The following CNIH3 variants were observed in gnomAD, a reference collection of about 807,000 sequenced individuals.
The protein encoded by CNIH3 is protein cornichon homolog 3.
In CNIH3, 14 loss-of-function variants were observed where a neutral mutation model predicts 24.1. The ratio of observed to expected loss-of-function variants is 0.58; its 90% confidence interval spans 0.38 to 0.91. CNIH3 has a LOEUF of 0.91. Ranked by LOEUF, CNIH3 falls within the 40% of genes least tolerant of loss-of-function variation. The pLI is 0.00. For synonymous variants in CNIH3, 68 were observed against 73.8 expected, an observed-to-expected ratio of 0.92 and a Z score of 0.40; for missense variants, 178 against 196.8, an observed-to-expected ratio of 0.90 and a Z score of 0.57.
chr1:224,658,342 T>A (rs747843201), intron 1 of CNIH3, among the ~76,000 whole-genome samples: 32 of 149,532 alleles, frequency 2.1e-4, no homozygotes, highest in Non-Finnish European at 4.2e-4. Flanking sequence ...ATTTTTATAT[T>A]TTTTTTTTTG....
At chr1:224,716,287 CAT>C (rs1192084939) in intron 3 of CNIH3, among the ~76,000 whole-genome samples, 1 of 152,164 alleles carries the variant, frequency 6.6e-6, no homozygotes, top group Non-Finnish European at 1.5e-5. Context: ...AAACTCTCAC[CAT>C]ATGTTTCTTC....
intron 1 of CNIH3, among the ~76,000 whole-genome samples, chr1:224,448,909 C>T (rs2102959756): frequency 6.6e-6 from 1 of 152,104 alleles, no homozygotes; most frequent in Non-Finnish European, 1.5e-5. Flanking sequence ...CTATTCATTT[C>T]CATGAAGAAT....
At position 224,705,263 on chromosome 1, in the gene CNIH3, C is replaced by T. The variant is rs151264710; in HGVS notation, c.198+20420C>T. Among the ~76,000 whole-genome samples, 340 of 152,298 alleles carry T rather than the reference C, an allele frequency of 2.2e-3. 1 individual carries two copies. The highest frequency in any genetic ancestry group is 7.7e-3 in the African/African-American group (319 of 41,552). On this transcript the variant is annotated intron_variant, in intron 3 of 5. Coordinates refer to ENST00000272133, the MANE Select transcript of CNIH3 (RefSeq NM_152495.2). The stretch of plus-strand genomic sequence containing the variant: ...AATGCAGGTAGTTTTTAAAAGTTCC[C>T]CATGTATTTCTAATGAGCAGCAGGA...
At chr1:224,555,728 T>A (rs1186593328) in intron 3 of CNIH3, among the ~76,000 whole-genome samples, 1 of 152,264 alleles carries the variant, frequency 6.6e-6, no homozygotes, top group Non-Finnish European at 1.5e-5. Context: ...TTAAAAGTTA[T>A]CGATTATGAA....
At chr1:224,627,317 C>T (rs925871206) in intron 1 of CNIH3, among the ~76,000 whole-genome samples, 1 of 151,944 alleles carries the variant, frequency 6.6e-6, no homozygotes, top group Non-Finnish European at 1.5e-5. Flanking sequence ...ACCTCTGCCC[C>T]CGGGTTCAAG....
intron 1 of CNIH3, among the ~76,000 whole-genome samples, chr1:224,449,036 C>T (rs748787662): frequency 6.8e-6 from 1 of 147,056 alleles, no homozygotes; most frequent in East Asian, 2.0e-4. Flanking sequence ...ATGATCTTGG[C>T]TCACTGCAAC....
chr1:224,593,311 T>C (rs1681841840), downstream of CNIH3, among the ~76,000 whole-genome samples: 1 of 152,138 alleles, frequency 6.6e-6, no homozygotes, highest in African/African-American at 2.4e-5. Flanking sequence ...TGTGGCACCA[T>C]GCCCAGCTAT....
chr1:224,629,733 C>G (rs1572619556), intron 1 of CNIH3, among the ~76,000 whole-genome samples: 1 of 151,964 alleles, frequency 6.6e-6, no homozygotes, highest in East Asian at 2.0e-4. Context: ...CAGGCAGAAA[C>G]TCTTGGTCCT....
chr1:224,734,553 C>G lies in CNIH3; in HGVS notation c.312-10C>G. 6.2e-7 allele frequency: 1 copy of G among 1,613,876 alleles called. No homozygotes were observed. Among genetic ancestry groups the G allele is most frequent in the Non-Finnish European group, 8.5e-7 (1 of 1,179,820 alleles). ...GACCTCAGAGACAATGATGTCCTCT[C>G]TCCCTGCAGGTATTTCCACTGTCCA... On this transcript the variant is annotated splice_polypyrimidine_tract_variant and intron_variant, in intron 4 of 5. Transcript: ENST00000272133.
intron 1 of CNIH3, among the ~76,000 whole-genome samples, chr1:224,491,029 C>A (rs137941056): frequency 6.5e-4 from 99 of 152,300 alleles, no homozygotes; most frequent in African/African-American, 2.3e-3. Context: ...CAAGACTCAG[C>A]TATTGTTACA....
At chr1:224,663,367 A>G (rs752764659) in intron 1 of CNIH3, among the ~76,000 whole-genome samples, 10 of 152,210 alleles carry the variant, frequency 6.6e-5, no homozygotes, top group Non-Finnish European at 1.0e-4. Flanking sequence ...ATGTCGACGT[A>G]TGCACAATCA....
intron 1 of CNIH3, among the ~76,000 whole-genome samples, chr1:224,633,181 C>A (rs1683913091): frequency 6.6e-6 from 1 of 151,758 alleles, no homozygotes. Flanking sequence ...TTTTTTGAGA[C>A]ACGTTCTTGC....
In CNIH3 at chr1:224,646,124, ACT is replaced by A. The variant is rs544905172; in HGVS notation, c.81+28872_81+28873del. 2.2e-3 allele frequency among the ~76,000 whole-genome samples: 341 copies of A among 151,962 alleles called. 2 individuals carry two copies. Among genetic ancestry groups the A allele is most frequent in the African/African-American group, 7.3e-3 (303 of 41,430 alleles). ...CTCGATCTCACGGTCTAAGATAGTA[ACT>A]CTAACGTAAGACAGCAGAGGTTTTC... On this transcript the variant is annotated intron_variant, in intron 1 of 5. Transcript: ENST00000272133.
At chr1:224,467,746 GTT>G (rs1176550792) in intron 1 of CNIH3, among the ~76,000 whole-genome samples, 1 of 151,610 alleles carries the variant, frequency 6.6e-6, no homozygotes, top group Non-Finnish European at 1.5e-5. Flanking sequence ...TTGATATCAA[GTT>G]GAAGTACTGT....
chr1:224,607,741 G>A (rs1015682638), intron 3 of CNIH3, among the ~76,000 whole-genome samples: 16 of 152,142 alleles, frequency 1.1e-4, no homozygotes, highest in African/African-American at 3.9e-4. Context: ...CCTACAAGGA[G>A]TTTCCTCCTG....
intron 2 of CNIH3, among the ~76,000 whole-genome samples, chr1:224,523,797 T>C (rs1490726391): frequency 1.3e-5 from 2 of 152,140 alleles, no homozygotes; most frequent in Non-Finnish European, 2.9e-5. Flanking sequence ...AAAATAATAA[T>C]TATCCCTGAG....
In CNIH3 at chr1:224,443,183, A is replaced by C. The variant is rs1039550607; in HGVS notation, n.203+8321A>C. Among the ~76,000 whole-genome samples the C allele has an allele frequency of 7.2e-5, 11 of 152,196 alleles. No individual in the cohort carries two copies. The South Asian group carries it at 8.3e-4, about 11-fold the overall frequency. On this transcript the variant is annotated intron_variant and non_coding_transcript_variant, in intron 1 of 5. Coordinates refer to the CNIH3 transcript ENST00000471578. The stretch of plus-strand genomic sequence containing the variant: ...ATCAATTTAGAACACTTCATCTTGA[A>C]ATGGCAAAGGAAGGCAAGAAGGAGG...
At chr1:224,526,495 C>T (rs1410039175) in intron 2 of CNIH3, among the ~76,000 whole-genome samples, 1 of 152,116 alleles carries the variant, frequency 6.6e-6, no homozygotes, top group Non-Finnish European at 1.5e-5. Context: ...GACTTCATGC[C>T]TCTGGAATGG....
Position 224,659,189 on chromosome 1 carries a change from T to G in CNIH3, c.82-21769T>G, listed in dbSNP as rs1031372174. ...ATGAAAGCAGTTTGTTTTGTCACCC[T>G]CTCCTGGGTCTGAAGACAAGACTTT... is the stretch of plus-strand genomic sequence containing the variant. On this transcript the variant is annotated intron_variant, in intron 1 of 5. Coordinates refer to ENST00000272133, the MANE Select transcript of CNIH3 (RefSeq NM_152495.2). Among the ~76,000 whole-genome samples, 3 of 152,266 alleles carry G rather than the reference T, an allele frequency of 2.0e-5. No individual in the cohort carries two copies. The South Asian group carries it at 6.2e-4, about 32-fold the overall frequency.
Sources: allele counts gnomAD v4.1 joint callset (sites outside exome capture counted in the v4.1 genomes callset), GRCh38; gene constraint gnomAD v4.1.1; transcripts MANE v1.5; gene names NCBI Gene and HGNC (gene_info 2026-07-23, HGNC 2026-07-21).